LIG1: variants seen among roughly 807,000 people sequenced by gnomAD.
LIG1 encodes DNA ligase 1.
LIG1 carries 70 observed loss-of-function variants against 115.7 expected under a neutral mutation model. The ratio of observed to expected loss-of-function variants is 0.60; its 90% confidence interval spans 0.50 to 0.74. The LOEUF is 0.74. Ranked by LOEUF, LIG1 falls within the 30% of genes least tolerant of loss-of-function variation. The pLI, the probability that LIG1 is intolerant of heterozygous loss-of-function variation, is 0.00. For missense variants in LIG1, 1,115 were observed against 1,225.6 expected (o/e 0.91, Z 1.35); for synonymous variants, 487 against 495.3 (o/e 0.98, Z 0.22).
At chr19:48,141,975 G>C (rs2034787080) in intron 11 of LIG1, among the ~76,000 whole-genome samples, 1 of 152,168 alleles carries the variant, frequency 6.6e-6, no homozygotes. Flanking sequence ...AGTGAATGAA[G>C]GTAGGCTCTG....
At chr19:48,142,077 C>G (rs8108407) in intron 11 of LIG1, among the ~76,000 whole-genome samples, 96,991 of 151,634 alleles carry the variant, frequency 0.64, 32,530 homozygotes, top group East Asian at 0.87. Flanking sequence ...CGAGGCGGGC[C>G]GATCACTTGA....
Position 48,137,878 on chromosome 19 carries a change from T to A in LIG1, c.1088-190A>T. 1 of 679,870 alleles carries A rather than the reference T, an allele frequency of 1.5e-6. No homozygotes were observed. The highest frequency in any genetic ancestry group is 2.5e-6 in the Non-Finnish European group (1 of 393,102). 42.1% of individuals were successfully genotyped at this position (679,870 alleles called of 1,614,324 possible). On this transcript the variant is annotated intron_variant, in intron 12 of 27. Transcript: ENST00000263274. The surrounding 1 kb of genome is among the most constrained non-coding windows in gnomAD (Gnocchi z 4.3). Reference sequence around the variant, plus strand: ...AACGTGCCCCCAGCCACGCTGGCTGTAGGAAGTCAGCAAACATGCACGTGG... The same window carrying A: ...AACGTGCCCCCAGCCACGCTGGCTGAAGGAAGTCAGCAAACATGCACGTGG...
chr19:48,168,658 G>A (rs1250095951), intron 1 of LIG1, among the ~76,000 whole-genome samples: 2 of 152,154 alleles, frequency 1.3e-5, no homozygotes, highest in Non-Finnish European at 2.9e-5. Flanking sequence ...TAGGGAACTG[G>A]TTCCCTCATT....
At chr19:48,143,650 G>T in intron 10 of LIG1, 51 bp from the exon 11 acceptor site, 1 of 1,494,946 alleles carries the variant, frequency 6.7e-7, no homozygotes, top group Non-Finnish European at 9.3e-7. Flanking sequence ...GCTATACCAT[G>T]CTGCCCGTCT....
intron 2 of LIG1, among the ~76,000 whole-genome samples, chr19:48,163,863 T>C (rs975106510): frequency 2.0e-5 from 3 of 148,520 alleles, no homozygotes; most frequent in Non-Finnish European, 4.4e-5. Context: ...GGGAATGGCC[T>C]GAACCTGGGA....
Position 48,117,769 on chromosome 19 carries a change from GCAGCAC to G in LIG1, c.2446_2451del (p.Val816_Leu817del). The G allele has an allele frequency of 6.2e-7, 1 of 1,612,668 alleles. No homozygotes were observed. The highest frequency in any genetic ancestry group is 8.5e-7 in the Non-Finnish European group (1 of 1,179,534). The stretch of plus-strand genomic sequence containing the variant: ...ATCCGCACGTAAGGGCGTGGGCTGG[GCAGCAC>G]CAGCGCCTGCAGTGAGCAGAGGAAG... On this transcript the variant is annotated inframe_deletion, in exon 26 of 28. Transcript: ENST00000263274.
At chr19:48,148,064 A>AAGGGAG (rs59045271) in intron 9 of LIG1, among the ~76,000 whole-genome samples, 45,529 of 151,768 alleles carry the variant, frequency 0.3, 7,844 homozygotes, top group East Asian at 0.55. Flanking sequence ...CTCACACATG[A>AAGGGAG]AGGGAGAGGC....
rs1055446632 is a variant in LIG1 at position 48,135,936 on chromosome 19, G to A, written c.1423+98C>T. 42 of 1,073,856 alleles carry A rather than the reference G, an allele frequency of 3.9e-5. 2 individuals are homozygous for A. The Admixed American group carries it at 6.1e-4, about 16-fold the overall frequency. The allele number at this position is 1,073,856 out of a possible 1,614,324, so 66.5% of individuals were successfully genotyped here. A position where few individuals can be genotyped will look rare whatever the true frequency, so the allele number is the denominator to read the frequency against. On this transcript the variant is annotated intron_variant, in intron 15 of 27. Transcript: ENST00000263274. ...GAGAGAGGAGCCTGGTATGGCAGGG[G>A]CCCGCTGGGGAAGGGGCGGGCATGG...
intron 19 of LIG1, among the ~76,000 whole-genome samples, chr19:48,130,054 C>T (rs866896533): frequency 6.6e-5 from 10 of 152,158 alleles, no homozygotes; most frequent in African/African-American, 2.2e-4. Context: ...CTGCGCCCAG[C>T]GGAAATATGT....
chr19:48,134,757 G>C (rs1261408671), intron 16 of LIG1, among the ~76,000 whole-genome samples: 2 of 152,242 alleles, frequency 1.3e-5, no homozygotes, highest in Non-Finnish European at 2.9e-5. Context: ...GCAGCTGATA[G>C]AGCCCCACGT....
chr19:48,121,802 AAAAT>A (rs549744798), intron 23 of LIG1, among the ~76,000 whole-genome samples: 7 of 152,178 alleles, frequency 4.6e-5, no homozygotes, highest in South Asian at 2.1e-4. Flanking sequence ...ACTCCGTCTT[AAAAT>A]AAATAAATAA....
intron 25 of LIG1, 132 bp downstream of exon 25, chr19:48,119,005 A>T: frequency 1.4e-6 from 1 of 719,810 alleles, no homozygotes; most frequent in Non-Finnish European, 2.4e-6. Flanking sequence ...AGCCAGCTCC[A>T]CTGCCTGCTG....
chr19:48,154,728 G>T (rs566224202), intron 5 of LIG1, among the ~76,000 whole-genome samples: 57 of 152,228 alleles, frequency 3.7e-4, no homozygotes, highest in African/African-American at 1.3e-3. Flanking sequence ...ATCTCATGTT[G>T]GCCATTGCGC....
At chr19:48,131,032 G>T in intron 19 of LIG1, 44 bp downstream of exon 19, 1 of 1,531,582 alleles carries the variant, frequency 6.5e-7, no homozygotes, top group Non-Finnish European at 9.0e-7. Flanking sequence ...TTGCACCCCT[G>T]ACCACAGACC....
At chr19:48,146,412 T>G (rs1303188750) in intron 9 of LIG1, among the ~76,000 whole-genome samples, 1 of 152,250 alleles carries the variant, frequency 6.6e-6, no homozygotes, top group Non-Finnish European at 1.5e-5. Context: ...CAAAATCTCT[T>G]TGATGTCATG....
chr19:48,148,063 G>A (rs1170271007), intron 9 of LIG1, among the ~76,000 whole-genome samples: 1 of 126,244 alleles, frequency 7.9e-6, no homozygotes, highest in Non-Finnish European at 1.8e-5. Flanking sequence ...TCTCACACAT[G>A]AAGGGAGAGG....
In LIG1 at chr19:48,143,967, C is replaced by A. The variant is rs368741466; in HGVS notation, c.777-4G>T. ...GTAACCAGATGGATCCAGGGGTCTA[C>A]GGAGGCAAAACGGAGATTGAATTGC... On this transcript the variant is annotated splice_region_variant and splice_polypyrimidine_tract_variant and intron_variant, in intron 9 of 27. Coordinates refer to ENST00000263274, the MANE Select transcript of LIG1 (RefSeq NM_000234.3). 6.2e-7 allele frequency: 1 copy of A among 1,611,860 alleles called. No individual in the cohort carries two copies. The highest frequency in any genetic ancestry group is 1.7e-5 in the Admixed American group (1 of 59,996).
At position 48,119,538 on chromosome 19, in the gene LIG1, T is replaced by C. The variant is rs2033121795; in HGVS notation, c.2386-348A>G. ...TGTCCTCACTTCCAGTCTTTTTTTT[T>C]TTTTTTTTTTTTTTTTTTGAGACAG... On this transcript the variant is annotated intron_variant, in intron 24 of 27. Coordinates refer to ENST00000263274, the MANE Select transcript of LIG1 (RefSeq NM_000234.3). Among the ~76,000 whole-genome samples, 6 of 138,390 alleles carry C rather than the reference T, an allele frequency of 4.3e-5. No individual in the cohort carries two copies. In the South Asian group the frequency reaches 1.5e-3, roughly 34 times the overall value. 90.8% of individuals were successfully genotyped at this position (138,390 alleles called of 152,430 possible).
chr19:48,129,661 G>A (rs996564469), intron 19 of LIG1, among the ~76,000 whole-genome samples: 2 of 152,222 alleles, frequency 1.3e-5, no homozygotes, highest in African/African-American at 2.4e-5. Context: ...AACCTGTGGC[G>A]ACCAAAAAGC....
Sources: gnomAD v4.1 joint callset for allele counts (sites outside exome capture counted in the v4.1 genomes callset) on GRCh38, gnomAD v4.1.1 for gene constraint, Gnocchi (gnomAD v3.1) non-coding constraint, MANE v1.5 for transcripts, NCBI Gene and HGNC (gene_info 2026-07-23, HGNC 2026-07-21) for gene names.